Variants in MINDY2 observed in about 807,000 individuals in gnomAD.
MINDY2 encodes ubiquitin carboxyl-terminal hydrolase MINDY-2.
MINDY2 carries 52 observed loss-of-function variants against 68.2 expected under a neutral mutation model. The observed-to-expected ratio is 0.76, with a 90% CI of 0.61 to 0.96. The LOEUF (loss-of-function observed/expected upper bound fraction) is 0.96. Among genes scored for constraint, MINDY2 ranks in the 40% least tolerant of loss-of-function variants. The probability of loss-of-function intolerance (pLI) is 0.00; values close to 1 mark genes in which losing one functional copy is unlikely to be tolerated. For synonymous variants in MINDY2, 372 were observed against 303.0 expected, an observed-to-expected ratio of 1.23 and a Z score of -2.36; for missense variants, 881 against 773.4, an observed-to-expected ratio of 1.14 and a Z score of -1.65.
intron 2 of MINDY2, among the ~76,000 whole-genome samples, chr15:58,799,320 C>T (rs1448727365): frequency 6.6e-6 from 1 of 152,172 alleles, no homozygotes; most frequent in Admixed American, 6.5e-5. Flanking sequence ...GTAATCCCAG[C>T]ACTTTGGGAG....
At chr15:58,810,168 A>G (rs766503918) in intron 3 of MINDY2, 62 bp from the exon 4 acceptor site, 85 of 1,398,032 alleles carry the variant, frequency 6.1e-5, no homozygotes, top group Non-Finnish European at 7.6e-5. Context: ...TTGTACTTGA[A>G]TATCTTTTTT....
Position 58,787,950 on chromosome 15 carries a change from G to A in MINDY2, c.885G>A (p.Leu295=). ...TGGAAATCATAACTGCTGAGCAGCT[G>A]ATGGAATATTTAGGTTAGTGTTGAA... ...PMMEIITAEQ[L]MEYLGDYMLD... The change falls in exon 2 of 9, where the codon CTG becomes CTA. Residue 295 remains leucine (L), a synonymous_variant. Coordinates refer to ENST00000559228, the MANE Select transcript of MINDY2 (RefSeq NM_001040450.3). The A allele has an allele frequency of 6.3e-7, 1 of 1,588,708 alleles. No homozygotes were observed. The highest frequency in any genetic ancestry group is 8.6e-7 in the Non-Finnish European group (1 of 1,169,326).
At chr15:58,845,588 A>G (rs1378512481) in intron 6 of MINDY2, among the ~76,000 whole-genome samples, 1 of 152,202 alleles carries the variant, frequency 6.6e-6, no homozygotes, top group Non-Finnish European at 1.5e-5. Context: ...ACCCTTATAC[A>G]CTGTTGATGG....
At chr15:58,805,197 G>T (rs1902935946) in intron 3 of MINDY2, among the ~76,000 whole-genome samples, 1 of 152,142 alleles carries the variant, frequency 6.6e-6, no homozygotes, top group African/African-American at 2.4e-5. Flanking sequence ...ACTATAAGGT[G>T]TTATTATTAC....
intron 2 of MINDY2, among the ~76,000 whole-genome samples, chr15:58,788,663 C>T (rs384322): frequency 6.6e-6 from 1 of 152,126 alleles, no homozygotes; most frequent in African/African-American, 2.4e-5. Context: ...TATATTTATA[C>T]TATCACCAAA....
chr15:58,854,243 C>CAA (rs770015247), intron 8 of MINDY2, among the ~76,000 whole-genome samples: 1,415 of 107,384 alleles, frequency 0.013, 64 homozygotes, highest in Admixed American at 0.12. Flanking sequence ...GACTCTGTCT[C>CAA]AAAAAAAAAA....
intron 6 of MINDY2, among the ~76,000 whole-genome samples, chr15:58,844,388 A>C (rs1200392683): frequency 1.3e-5 from 2 of 151,284 alleles, no homozygotes; most frequent in Non-Finnish European, 2.9e-5. Context: ...TCTACTAAAA[A>C]ATACAAAAAA....
intron 2 of MINDY2, among the ~76,000 whole-genome samples, chr15:58,796,582 T>C (rs914807779): frequency 1.3e-5 from 2 of 152,254 alleles, no homozygotes; most frequent in African/African-American, 4.8e-5. Flanking sequence ...TGGAGTGCAG[T>C]GGCACGATCT....
chr15:58,854,410 C>A, intron 8 of MINDY2, 72 bp from the exon 9 acceptor site: 2 of 1,522,546 alleles, frequency 1.3e-6, no homozygotes, highest in African/African-American at 2.8e-5. Context: ...TTACAGTTTT[C>A]CTTTCTAGAT....
intron 7 of MINDY2, among the ~76,000 whole-genome samples, chr15:58,849,899 G>A (rs2032729782): frequency 6.6e-6 from 1 of 152,072 alleles, no homozygotes; most frequent in Non-Finnish European, 1.5e-5. Context: ...ACCACACCCG[G>A]CTAATTTTTG....
intron 4 of MINDY2, among the ~76,000 whole-genome samples, chr15:58,819,040 A>G (rs562261447): frequency 6.4e-4 from 97 of 152,264 alleles, no homozygotes; most frequent in African/African-American, 2.2e-3. Context: ...GTGTAGTAGC[A>G]TGATCATAGC....
chr15:58,771,484 T>C lies in MINDY2; in HGVS notation c.89T>C (p.Leu30Pro), dbSNP rs1348741157. The C allele has an allele frequency of 6.2e-7, 1 of 1,612,342 alleles. No homozygotes were observed. The highest frequency in any genetic ancestry group is 1.7e-5 in the Admixed American group (1 of 59,986). ...ASGTGSSQEG[L>P]QETRLAAGDG... ...GGGACAGGTTCTTCGCAGGAAGGGC[T>C]ACAGGAGACCAGGCTCGCCGCTGGT... Residue 30 changes from leucine to proline, a missense_variant, in exon 1 of 9, where the codon CTA becomes CCA. Leu to Pro is a moderately conservative substitution (Grantham distance 98, BLOSUM62 -3). Transcript: ENST00000559228.
At chr15:58,848,072 A>G (rs2032624371) in intron 7 of MINDY2, among the ~76,000 whole-genome samples, 1 of 73,222 alleles carries the variant, frequency 1.4e-5, no homozygotes, top group Admixed American at 2.2e-4. Flanking sequence ...AATGAGACAG[A>G]TGAGATTTTT....
At chr15:58,840,409 C>T (rs1468360198) in intron 6 of MINDY2, among the ~76,000 whole-genome samples, 1 of 152,056 alleles carries the variant, frequency 6.6e-6, no homozygotes. Context: ...TATTAGCAAA[C>T]TAAAATCCAT....
At position 58,851,798 on chromosome 15, in the gene MINDY2, C is replaced by A; in HGVS notation, c.1570C>A (p.Gln524Lys). 1 of 1,593,886 alleles carries A rather than the reference C, an allele frequency of 6.3e-7. No individual in the cohort carries two copies. The change falls in exon 8 of 9, where the codon CAA (glutamine) becomes AAA (lysine). Residue 524 changes from glutamine (Q) to lysine (K), a missense_variant. Physicochemically the swap from Gln to Lys is moderately conservative, Grantham distance 53 (BLOSUM62 1). Transcript: ENST00000559228. ...QDYLMALSLQ[Q>K]EQQSQEINWE... is the part of the protein sequence containing the mutation. ...TTATCTTATGGCATTATCTCTACAA[C>A]AAGAACAGCAGAGCCAAGAGATCAA...
At chr15:58,844,559 C>CAAAA (rs34592774) in intron 6 of MINDY2, among the ~76,000 whole-genome samples, 3 of 66,890 alleles carry the variant, frequency 4.5e-5, no homozygotes, top group African/African-American at 1.1e-4. Flanking sequence ...GACTCCGTCT[C>CAAAA]AAAAAAAAAA....
intron 2 of MINDY2, among the ~76,000 whole-genome samples, chr15:58,799,761 T>C (rs1319724608): frequency 2.0e-5 from 3 of 152,128 alleles, no homozygotes; most frequent in Non-Finnish European, 4.4e-5. Flanking sequence ...GAGCCAGACA[T>C]GGACATGGCT....
At position 58,859,983 on chromosome 15, in the gene MINDY2, A is replaced by C. The variant is rs1485228675; in HGVS notation, c.*5373A>C. ...CAGGTATTTTTTAGGGCATCGTACT[A>C]TCCCAGAGAAAGTGTTGAGATACCA... On this transcript the variant is annotated 3_prime_UTR_variant, in exon 9 of 9. Coordinates refer to ENST00000559228, the MANE Select transcript of MINDY2 (RefSeq NM_001040450.3). 1 of 152,176 alleles carries C rather than the reference A, an allele frequency of 6.6e-6. No individual in the cohort carries two copies. Among genetic ancestry groups the C allele is most frequent in the Non-Finnish European group, 1.5e-5 (1 of 68,040 alleles). 9.4% of individuals were successfully genotyped at this position (152,176 alleles called of 1,614,324 possible).
intron 1 of MINDY2, among the ~76,000 whole-genome samples, chr15:58,773,101 T>G (rs1900546294): frequency 6.6e-6 from 1 of 151,410 alleles, no homozygotes; most frequent in Non-Finnish European, 1.5e-5. Flanking sequence ...ATTTTCAAAT[T>G]GATAATTATA....
Sources: allele counts gnomAD v4.1 joint callset (sites outside exome capture counted in the v4.1 genomes callset), GRCh38; gene constraint gnomAD v4.1.1; transcripts MANE v1.5; gene names NCBI Gene and HGNC (gene_info 2026-07-23, HGNC 2026-07-21).